The following MGST1 variants were observed in gnomAD, a reference collection of about 807,000 sequenced individuals.
The protein encoded by MGST1 is glutathione S-transferase 12.
In MGST1, 5 loss-of-function variants were observed where a neutral mutation model predicts 8.9. The observed-to-expected ratio is 0.56, with a 90% CI of 0.29 to 1.19. The LOEUF is 1.19. Ranked by LOEUF, MGST1 falls within the 50% of genes most tolerant of loss-of-function variation. The probability of loss-of-function intolerance (pLI) is 0.08; values close to 1 mark genes in which losing one functional copy is unlikely to be tolerated. For synonymous variants in MGST1, 54 were observed against 67.8 expected, an observed-to-expected ratio of 0.80 and a Z score of 1.00; for missense variants, 182 against 187.4, an observed-to-expected ratio of 0.97 and a Z score of 0.17.
intron 4 of MGST1, among the ~76,000 whole-genome samples, chr12:16,486,513 C>A (rs1208496500): frequency 6.6e-6 from 1 of 152,088 alleles, no homozygotes; most frequent in African/African-American, 2.4e-5. Context: ...CATTTTATCT[C>A]AATATATTTG....
At chr12:16,527,822 T>C (rs1211502505) in intron 4 of MGST1, among the ~76,000 whole-genome samples, 1 of 151,982 alleles carries the variant, frequency 6.6e-6, no homozygotes, top group Admixed American at 6.6e-5. Context: ...TCCTGGAAAC[T>C]GAAGTAGCCT....
chr12:16,390,198 GGA>G (rs1491583277), intron 1 of MGST1, among the ~76,000 whole-genome samples: 28 of 149,412 alleles, frequency 1.9e-4, no homozygotes, highest in African/African-American at 6.4e-4. Context: ...GCACCTCAGG[GGA>G]AAAAAAAAAA....
rs1941761137 is a variant in MGST1 at position 16,537,181 on chromosome 12, C to T, written n.483-52347C>T. Among the ~76,000 whole-genome samples the T allele has an allele frequency of 6.6e-6, 1 of 152,128 alleles. No individual in the cohort carries two copies. The highest frequency in any genetic ancestry group is 2.4e-5 in the African/African-American group (1 of 41,436). Reference sequence around the variant, plus strand: ...TGGCCAAAATAAAGGGATTACAGGGCCCATCCAAGTCTGAAATCCAGTGGG... The same window carrying T: ...TGGCCAAAATAAAGGGATTACAGGGTCCATCCAAGTCTGAAATCCAGTGGG... On this transcript the variant is annotated intron_variant and non_coding_transcript_variant, in intron 4 of 4. Coordinates refer to the MGST1 transcript ENST00000538857. The surrounding 1 kb of genome is among the most constrained non-coding windows in gnomAD (Gnocchi z 4.6).
intron 1 of MGST1, among the ~76,000 whole-genome samples, chr12:16,394,345 T>C (rs1369783436): frequency 1.3e-5 from 2 of 152,046 alleles, no homozygotes; most frequent in Non-Finnish European, 2.9e-5. Flanking sequence ...ATTTTTTCTA[T>C]TTAGTTATTA....
At position 16,559,471 on chromosome 12, in the gene MGST1, G is replaced by A. The variant is rs117976723; in HGVS notation, n.483-30057G>A. 1.5e-3 allele frequency among the ~76,000 whole-genome samples: 226 copies of A among 152,212 alleles called. No individual in the cohort carries two copies. Among genetic ancestry groups the A allele is most frequent in the Non-Finnish European group, 2.6e-3 (178 of 68,008 alleles). On this transcript the variant is annotated intron_variant and non_coding_transcript_variant, in intron 4 of 4. Transcript: ENST00000538857. This position sits in a 1 kb window ranked among gnomAD's most constrained non-coding sequence, Gnocchi z 4.1. ...GAAGGTGTTTGTTTGGTTTAAGATC[G>A]CACAGCTTATTAGTGGCAGAGCCCA...
intron 4 of MGST1, among the ~76,000 whole-genome samples, chr12:16,485,868 A>G (rs1481814469): frequency 6.6e-6 from 1 of 152,234 alleles, no homozygotes; most frequent in Non-Finnish European, 1.5e-5. Context: ...AGCAACATCA[A>G]AATAAATTCA....
At chr12:16,453,321 T>C (rs773914516) in intron 4 of MGST1, among the ~76,000 whole-genome samples, 3 of 151,952 alleles carry the variant, frequency 2.0e-5, no homozygotes, top group Non-Finnish European at 4.4e-5. Flanking sequence ...TTCCTTAACA[T>C]TTATTCTCGA....
At chr12:16,451,950 A>G (rs1218032643) in intron 4 of MGST1, among the ~76,000 whole-genome samples, 2 of 151,880 alleles carry the variant, frequency 1.3e-5, no homozygotes, top group Non-Finnish European at 2.9e-5. Flanking sequence ...AAAATACTTA[A>G]TAAGATTTGC....
rs56126800 is a variant in MGST1, at chr12:16,432,742, A to AGG, written n.779-4646_779-4645insGG. ...CACACACACACACACAGAGAGAGAG[A>AGG]ATATTGTCAGAGTTCTCCAGAGGAA... On this transcript the variant is annotated intron_variant and non_coding_transcript_variant, in intron 1 of 1. Transcript: ENST00000359720. 6.1e-5 allele frequency among the ~76,000 whole-genome samples: 9 copies of AGG among 147,594 alleles called. No individual in the cohort carries two copies. In the East Asian group the frequency reaches 1.8e-3, roughly 30 times the overall value.
At chr12:16,447,079 A>G (rs1189931589) in intron 4 of MGST1, among the ~76,000 whole-genome samples, 1 of 151,878 alleles carries the variant, frequency 6.6e-6, no homozygotes, top group African/African-American at 2.4e-5. Context: ...CTCAGCATGG[A>G]CCGTCACTTT....
chr12:16,475,967 A>T (rs1405094169), intron 4 of MGST1, among the ~76,000 whole-genome samples: 1 of 152,096 alleles, frequency 6.6e-6, no homozygotes, highest in African/African-American at 2.4e-5. Flanking sequence ...AAAGAAAAAA[A>T]AAAAATACAT....
chr12:16,379,930 T>A (rs955132611), downstream of MGST1, among the ~76,000 whole-genome samples: 19 of 152,350 alleles, frequency 1.2e-4, no homozygotes, highest in Non-Finnish European at 2.4e-4. Flanking sequence ...CTAGTTTATT[T>A]GCATAGAGGT....
intron 4 of MGST1, among the ~76,000 whole-genome samples, chr12:16,520,286 T>C (rs1941640648): frequency 6.6e-6 from 1 of 152,146 alleles, no homozygotes; most frequent in African/African-American, 2.4e-5. Flanking sequence ...ACAAAGATAC[T>C]GGTTTATTTA....
chr12:16,357,391 C>A, intron 2 of MGST1: 1 of 437,828 alleles, frequency 2.3e-6, no homozygotes, highest in Non-Finnish European at 4.0e-6. Flanking sequence ...TCCTGAGTAG[C>A]TAGGACCACA....
chr12:16,561,040 A>G (rs1453755890), intron 4 of MGST1, among the ~76,000 whole-genome samples: 3 of 152,180 alleles, frequency 2.0e-5, no homozygotes, highest in Admixed American at 2.0e-4. Flanking sequence ...AGGCGCATGC[A>G]TGCACCTTAT....
intron 4 of MGST1, among the ~76,000 whole-genome samples, chr12:16,491,994 G>T (rs1442586947): frequency 6.6e-6 from 1 of 152,034 alleles, no homozygotes; most frequent in Non-Finnish European, 1.5e-5. Context: ...TGTTACATTG[G>T]TTCAATTCTC....
At chr12:16,541,894 G>A (rs73052245) in intron 4 of MGST1, among the ~76,000 whole-genome samples, 8,236 of 152,242 alleles carry the variant, frequency 0.054, 302 homozygotes, top group East Asian at 0.14. Context: ...ACATGTAACA[G>A]AAACCCAACC....
intron 4 of MGST1, among the ~76,000 whole-genome samples, chr12:16,577,367 T>G (rs1943026818): frequency 6.6e-6 from 1 of 152,168 alleles, no homozygotes; most frequent in Non-Finnish European, 1.5e-5. Context: ...CTAAATAAGC[T>G]GAGTTATTAA....
At position 16,555,888 on chromosome 12, in the gene MGST1, T is replaced by C. The variant is rs1222888744; in HGVS notation, n.483-33640T>C. On this transcript the variant is annotated intron_variant and non_coding_transcript_variant, in intron 4 of 4. Transcript: ENST00000538857. This position sits in a 1 kb window ranked among gnomAD's most constrained non-coding sequence, Gnocchi z 5.5. ...TAAGTCAACCAGTTCTAGGGAGTTCTTTTTTCAAGACCCAGCATATCAGGC... is the reference window on the plus strand; with the variant it reads ...TAAGTCAACCAGTTCTAGGGAGTTCCTTTTTCAAGACCCAGCATATCAGGC... Among the ~76,000 whole-genome samples the C allele has an allele frequency of 6.6e-6, 1 of 152,162 alleles. No homozygotes were observed. The highest frequency in any genetic ancestry group is 1.5e-5 in the Non-Finnish European group (1 of 68,032).
Sources: allele counts gnomAD v4.1 joint callset (sites outside exome capture counted in the v4.1 genomes callset), GRCh38; gene constraint gnomAD v4.1.1; non-coding constraint Gnocchi (gnomAD v3.1); transcripts MANE v1.5; gene names NCBI Gene and HGNC (gene_info 2026-07-23, HGNC 2026-07-21).